NCOA3: variants seen among roughly 807,000 people sequenced by gnomAD.
NCOA3 encodes nuclear receptor coactivator 3.
NCOA3 carries 51 observed loss-of-function variants against 158.8 expected under a neutral mutation model. The observed-to-expected ratio is 0.32, with a 90% CI of 0.26 to 0.41. The LOEUF (loss-of-function observed/expected upper bound fraction) is 0.41, where lower values mean the gene tolerates loss of function less well. Among genes scored for constraint, NCOA3 ranks in the 10% least tolerant of loss-of-function variants. The pLI, the probability that NCOA3 is intolerant of heterozygous loss-of-function variation, is 1.00. For missense variants in NCOA3, 1,510 were observed against 1,746.6 expected, an observed-to-expected ratio of 0.86 and a Z score of 2.41; for synonymous variants, 537 against 592.4, an observed-to-expected ratio of 0.91 and a Z score of 1.36.
chr20:47,526,142 C>T (rs1712317713), intron 1 of NCOA3, among the ~76,000 whole-genome samples: 1 of 149,594 alleles, frequency 6.7e-6, no homozygotes, highest in Non-Finnish European at 1.5e-5. Context: ...GGCAGAGGTG[C>T]TCCCCACATC....
rs376414173 is a variant in NCOA3, at chr20:47,627,186, T to C, written c.532+10T>C. On this transcript the variant is annotated intron_variant, in intron 6 of 22. Transcript: ENST00000371998. ...TTACCAAAATCTACAGGTAGGCTTT[T>C]AATGTGTATTTTCTAAATAGGTTAA... is the stretch of plus-strand genomic sequence containing the variant. The C allele has an allele frequency of 9.5e-6, 15 of 1,573,104 alleles. No homozygotes were observed. In the African/African-American group the frequency reaches 2.1e-4, roughly 22 times the overall value.
At chr20:47,644,653 AG>A (rs1194306611) in intron 17 of NCOA3, among the ~76,000 whole-genome samples, 2 of 152,082 alleles carry the variant, frequency 1.3e-5, no homozygotes, top group African/African-American at 4.8e-5. Context: ...AGGGTAATTA[AG>A]TGGGGAACTA....
chr20:47,627,347 A>G (rs192373667), intron 6 of NCOA3, among the ~76,000 whole-genome samples, 171 bp downstream of exon 6: 1 of 152,348 alleles, frequency 6.6e-6, no homozygotes, highest in East Asian at 1.9e-4. Context: ...AATTTGGTAT[A>G]CATTTTAAGA....
intron 1 of NCOA3, among the ~76,000 whole-genome samples, chr20:47,546,252 A>G (rs553328038): frequency 6.6e-6 from 1 of 152,200 alleles, no homozygotes; most frequent in Non-Finnish European, 1.5e-5. Context: ...TCTCCTTGCT[A>G]TTTTTAAGAT....
chr20:47,531,830 T>C (rs756849271), intron 1 of NCOA3, among the ~76,000 whole-genome samples: 4 of 148,122 alleles, frequency 2.7e-5, no homozygotes, highest in Non-Finnish European at 5.9e-5. Flanking sequence ...TTCTGGTTTC[T>C]CACTGTTAAC....
chr20:47,641,436 C>T (rs1418860553), intron 16 of NCOA3, among the ~76,000 whole-genome samples: 1 of 146,834 alleles, frequency 6.8e-6, no homozygotes, highest in Non-Finnish European at 1.5e-5. Context: ...CTGCCCACCT[C>T]TACCTCCCAA....
chr20:47,558,151 A>G (rs1485791593), intron 1 of NCOA3, among the ~76,000 whole-genome samples: 1 of 143,596 alleles, frequency 7.0e-6, no homozygotes, highest in Non-Finnish European at 1.5e-5. Context: ...TCCCCCTGCT[A>G]GGTTCAAACG....
intron 1 of NCOA3, among the ~76,000 whole-genome samples, chr20:47,538,556 T>A (rs2084671386): frequency 6.6e-6 from 1 of 152,138 alleles, no homozygotes; most frequent in Non-Finnish European, 1.5e-5. Flanking sequence ...ATTCTTTTTT[T>A]TTTTTCTTGA....
intron 22 of NCOA3, 38 bp from the exon 23 acceptor site, chr20:47,653,368 A>ATTTTTT (rs545375540): frequency 5.8e-5 from 81 of 1,389,914 alleles, no homozygotes; most frequent in South Asian, 1.3e-4. Flanking sequence ...TGTTTTACTC[A>ATTTTTT]TTTTTTTTTT....
chr20:47,536,158 C>T (rs2084629250), intron 1 of NCOA3, among the ~76,000 whole-genome samples: 1 of 152,160 alleles, frequency 6.6e-6, no homozygotes, highest in South Asian at 2.1e-4. Flanking sequence ...TCACTTAGGT[C>T]CGTGAGCACA....
At position 47,655,269 on chromosome 20, in the gene NCOA3, T is replaced by G. The variant is rs2086854418; in HGVS notation, c.*1852T>G. ...ATTCCCTTTATCTGGGTTAATTCAT[T>G]TGGTTCAAATAGTTGACGGAATTGG... On this transcript the variant is annotated 3_prime_UTR_variant, in exon 23 of 23. Transcript: ENST00000371998. 6.6e-6 allele frequency: 1 copy of G among 152,202 alleles called. No homozygotes were observed. Among genetic ancestry groups the G allele is most frequent in the Non-Finnish European group, 1.5e-5 (1 of 68,038 alleles). The allele number at this position is 152,202 out of a possible 1,614,324, so 9.4% of individuals were successfully genotyped here. A position where few individuals can be genotyped will look rare whatever the true frequency, so the allele number is the denominator to read the frequency against.
At position 47,612,990 on chromosome 20, in the gene NCOA3, G is replaced by A. The variant is rs16992655; in HGVS notation, c.-19-9239G>A. On this transcript the variant is annotated intron_variant, in intron 2 of 22. Transcript: ENST00000371998. Reference sequence around the variant, plus strand: ...GCACTCTAGTCTCTGGGGAGTTTATGTTTAAATTCAACTTCATCAGGTTTA... The same window carrying A: ...GCACTCTAGTCTCTGGGGAGTTTATATTTAAATTCAACTTCATCAGGTTTA... 3.9e-3 allele frequency among the ~76,000 whole-genome samples: 595 copies of A among 152,272 alleles called. 3 individuals are homozygous for A. Among genetic ancestry groups the A allele is most frequent in the African/African-American group, 0.014 (570 of 41,552 alleles).
At chr20:47,598,557 G>A (rs11906358) in intron 2 of NCOA3, among the ~76,000 whole-genome samples, 4,061 of 152,084 alleles carry the variant, frequency 0.027, 216 homozygotes, top group African/African-American at 0.093. Context: ...AGCTGGTCTC[G>A]AACTCCTGAC....
At chr20:47,617,907 T>C (rs942184106) in intron 2 of NCOA3, among the ~76,000 whole-genome samples, 1 of 152,180 alleles carries the variant, frequency 6.6e-6, no homozygotes, top group Non-Finnish European at 1.5e-5. Flanking sequence ...CATGTCTAAT[T>C]AAGAACTACA....
At chr20:47,508,290 T>C (rs547358174) in intron 1 of NCOA3, among the ~76,000 whole-genome samples, 1 of 152,362 alleles carries the variant, frequency 6.6e-6, no homozygotes, top group African/African-American at 2.4e-5. Flanking sequence ...TTAGAGAATT[T>C]GGATTGGGTG....
At chr20:47,585,605 C>T (rs769536366) in intron 2 of NCOA3, among the ~76,000 whole-genome samples, 4 of 152,074 alleles carry the variant, frequency 2.6e-5, no homozygotes, top group East Asian at 3.8e-4. Flanking sequence ...TTTTAGCTTC[C>T]GAGGCCAAGA....
At position 47,585,656 on chromosome 20, in the gene NCOA3, C is replaced by T. The variant is rs72645203; in HGVS notation, c.-20+2395C>T. Among the ~76,000 whole-genome samples the T allele has an allele frequency of 4.8e-3, 725 of 152,286 alleles. 7 individuals carry two copies. Among genetic ancestry groups the T allele is most frequent in the African/African-American group, 0.016 (678 of 41,568 alleles). On this transcript the variant is annotated intron_variant, in intron 2 of 22. Coordinates refer to ENST00000371998, the MANE Select transcript of NCOA3 (RefSeq NM_181659.3). ...AGGGTGTTTTTCCTTGTCTCTACTG[C>T]TTCCTTGTCCACTCACTTAAAATTT...
chr20:47,544,060 A>C (rs1430049491), intron 1 of NCOA3, among the ~76,000 whole-genome samples: 1 of 152,174 alleles, frequency 6.6e-6, no homozygotes, highest in African/African-American at 2.4e-5. Context: ...CGATTCCCCC[A>C]ATTTAATAAC....
rs1180308055 is a variant in NCOA3, at chr20:47,627,666, C to G, written c.638C>G (p.Ala213Gly). The G allele has an allele frequency of 6.2e-7, 1 of 1,614,018 alleles. No homozygotes were observed. Among genetic ancestry groups the G allele is most frequent in the African/African-American group, 1.3e-5 (1 of 74,914 alleles). ...CATGATATTCTGGAAGACATAAACGCCAGTCCTGAAATGCGCCAGAGATAT... is the reference window on the plus strand; with the variant it reads ...CATGATATTCTGGAAGACATAAACGGCAGTCCTGAAATGCGCCAGAGATAT... ...TPHDILEDINASPEMRQRYET... is the reference protein window; with the variant it reads ...TPHDILEDINGSPEMRQRYET... Residue 213 changes from alanine (A) to glycine (G), a missense_variant, in exon 7 of 23, where the codon GCC (alanine) becomes GGC (glycine). Ala to Gly is a moderately conservative substitution (Grantham distance 60). This residue lies in a region of NCOA3 where 309 missense variants were observed against 427.1 expected (regional missense o/e 0.72). Coordinates refer to ENST00000371998, the MANE Select transcript of NCOA3 (RefSeq NM_181659.3).
Sources: gnomAD v4.1 joint callset for allele counts (sites outside exome capture counted in the v4.1 genomes callset) on GRCh38, gnomAD v4.1.1 for gene constraint, gnomAD v4.1.1 regional missense constraint, MANE v1.5 for transcripts, NCBI Gene and HGNC (gene_info 2026-07-23, HGNC 2026-07-21) for gene names.